Variants in CFAP47 observed in about 807,000 individuals in gnomAD.
CFAP47 encodes cilia- and flagella-associated protein 47.
Under a neutral mutation model 148.1 loss-of-function variants are expected in CFAP47, and 29 were observed. That is an observed-to-expected ratio of 0.20 (90% CI 0.15 to 0.27). CFAP47 has a LOEUF of 0.27. CFAP47 is among the 10% of genes least tolerant of loss of function. The pLI is 1.00. For synonymous variants in CFAP47, 664 were observed against 577.3 expected (o/e 1.15, Z -2.15); for missense variants, 1,872 against 1,697.5 (o/e 1.10, Z -1.81).
At chrX:36,089,274 C>G (rs1453013913) in intron 30 of CFAP47, among the ~76,000 whole-genome samples, 1 of 110,235 alleles carries the variant, frequency 9.1e-6, no homozygotes, top group East Asian at 2.8e-4. Flanking sequence ...GAGGCTGAGG[C>G]AGGAGAATCA....
At chrX:36,206,691 T>TC (rs1310526326) in intron 45 of CFAP47, among the ~76,000 whole-genome samples, 2 of 112,029 alleles carry the variant, frequency 1.8e-5, no homozygotes, top group Non-Finnish European at 3.8e-5. Flanking sequence ...TAAACACTCA[T>TC]GAAGACTGTG....
intron 21 of CFAP47, among the ~76,000 whole-genome samples, chrX:36,008,924 C>A (rs907984899): frequency 9.0e-6 from 1 of 111,494 alleles, no homozygotes; most frequent in Non-Finnish European, 1.9e-5. Context: ...CTGGTCACCG[C>A]CAGCTAGACT....
At chrX:36,271,081 G>C (rs1052096337) in intron 49 of CFAP47, among the ~76,000 whole-genome samples, 1 of 111,095 alleles carries the variant, frequency 9.0e-6, no homozygotes, top group Admixed American at 9.6e-5. Flanking sequence ...AAAATGAAGG[G>C]TGGAAAAAAG....
chrX:36,088,512 TTC>T (rs753374823), intron 30 of CFAP47, among the ~76,000 whole-genome samples: 35 of 108,250 alleles, frequency 3.2e-4, no homozygotes, highest in Non-Finnish European at 3.3e-4. Context: ...CTCTCTTCTC[TTC>T]TCTCTCTCTC....
At chrX:36,250,406 T>C (rs901120404) in intron 48 of CFAP47, among the ~76,000 whole-genome samples, 3 of 110,184 alleles carry the variant, frequency 2.7e-5, no homozygotes, top group Non-Finnish European at 3.8e-5. Flanking sequence ...CAGGAGCTGA[T>C]GGGGGGAGTT....
chrX:36,213,421 T>A (rs1555989743), intron 45 of CFAP47, among the ~76,000 whole-genome samples: 2 of 111,582 alleles, frequency 1.8e-5, no homozygotes, highest in Non-Finnish European at 3.8e-5. Flanking sequence ...CAGGCCCAAC[T>A]CTAGGCCTAC....
intron 49 of CFAP47, among the ~76,000 whole-genome samples, chrX:36,254,692 G>A (rs1244536703): frequency 2.7e-5 from 3 of 111,643 alleles, no homozygotes; most frequent in African/African-American, 9.8e-5. Context: ...GTGAGATGCT[G>A]GAGGGAGAAA....
chrX:35,986,118 G>A (rs1025287937), intron 15 of CFAP47, among the ~76,000 whole-genome samples: 4 of 111,020 alleles, frequency 3.6e-5, no homozygotes, highest in Admixed American at 9.6e-5. Context: ...TCTTTGTGGT[G>A]TTCTCTGTAT....
intron 56 of CFAP47, among the ~76,000 whole-genome samples, chrX:36,314,409 A>G (rs1330870899): frequency 7.2e-5 from 8 of 111,351 alleles, no homozygotes; most frequent in African/African-American, 2.6e-4. Flanking sequence ...ATGGACAGCA[A>G]AAGGAAAGTG....
At chrX:36,069,208 A>T (rs1042562957) in intron 27 of CFAP47, among the ~76,000 whole-genome samples, 19 of 111,019 alleles carry the variant, frequency 1.7e-4, no homozygotes, top group African/African-American at 6.2e-4. Context: ...GAACAGTAAT[A>T]GAATACTGAT....
chrX:36,324,541 A>G (rs1469089989), intron 57 of CFAP47, among the ~76,000 whole-genome samples: 4 of 111,595 alleles, frequency 3.6e-5, no homozygotes, highest in African/African-American at 1.3e-4. Context: ...GCTAGTTTCT[A>G]TCCTGTAAGA....
chrX:36,237,910 C>A (rs782644192), intron 48 of CFAP47, among the ~76,000 whole-genome samples: 7 of 110,438 alleles, frequency 6.3e-5, no homozygotes, highest in Non-Finnish European at 1.3e-4. Context: ...TTTTTTTTTG[C>A]TAGATTGCAA....
chrX:36,242,830 C>T (rs1940562249), intron 48 of CFAP47, among the ~76,000 whole-genome samples: 2 of 111,264 alleles, frequency 1.8e-5, no homozygotes, highest in African/African-American at 6.5e-5. Context: ...ATACAGAGAA[C>T]CCTGGCTAGA....
intron 46 of CFAP47, among the ~76,000 whole-genome samples, chrX:36,233,608 A>G (rs1329620980): frequency 9.0e-6 from 1 of 111,502 alleles, no homozygotes; most frequent in Non-Finnish European, 1.9e-5. Flanking sequence ...CATTTAGTCC[A>G]TTTACATTTA....
intron 1 of CFAP47, 31 bp from the exon 2 acceptor site, chrX:35,925,986 G>A: frequency 5.2e-6 from 6 of 1,153,395 alleles, no homozygotes; most frequent in Non-Finnish European, 7.0e-6. Flanking sequence ...GAGTTAAAAT[G>A]TATAATTTGA....
At chrX:36,066,457 A>G (rs757269736) in intron 27 of CFAP47, among the ~76,000 whole-genome samples, 1 of 111,415 alleles carries the variant, frequency 9.0e-6, no homozygotes, top group African/African-American at 3.3e-5. Flanking sequence ...TTTTCTTACT[A>G]TTCAGAAGAA....
chrX:36,060,739 G>A (rs1238621513), intron 26 of CFAP47, among the ~76,000 whole-genome samples: 1 of 111,034 alleles, frequency 9.0e-6, no homozygotes, highest in Non-Finnish European at 1.9e-5. Flanking sequence ...CACGAAATTG[G>A]TTCATAGCAC....
rs1937522768 is a variant in CFAP47, at chrX:36,052,250, A to T, written c.4217+5187A>T. Among the ~76,000 whole-genome samples, 3 of 111,912 alleles carry T rather than the reference A, an allele frequency of 2.7e-5. No individual in the cohort carries two copies. In the South Asian group the frequency reaches 1.1e-3, roughly 42 times the overall value. On this transcript the variant is annotated intron_variant, in intron 26 of 63. Transcript: ENST00000378653. ...GTCCACTCAAAGCCAATAAAAATTG[A>T]TTGTTTTCCTAATCATGGATGAGAT... is the stretch of plus-strand genomic sequence containing the variant.
At chrX:35,969,513 C>T (rs1936458049) in intron 10 of CFAP47, among the ~76,000 whole-genome samples, 1 of 111,510 alleles carries the variant, frequency 9.0e-6, no homozygotes, top group Admixed American at 9.6e-5. Flanking sequence ...AACTTATCCT[C>T]CTTAAGCTGC....
Sources: allele counts gnomAD v4.1 joint callset (sites outside exome capture counted in the v4.1 genomes callset), GRCh38; gene constraint gnomAD v4.1.1; transcripts MANE v1.5; gene names NCBI Gene and HGNC (gene_info 2026-07-23, HGNC 2026-07-21).